The following ZNF385D variants were observed in gnomAD, a reference collection of about 807,000 sequenced individuals.
The protein encoded by ZNF385D is zinc finger protein 385D.
A neutral mutation model predicts 35.8 loss-of-function variants in ZNF385D; 15 were observed. The ratio of observed to expected loss-of-function variants is 0.42; its 90% CI spans 0.28 to 0.64. The LOEUF (loss-of-function observed/expected upper bound fraction) is 0.64, where lower values mean the gene tolerates loss of function less well. Ranked by LOEUF, ZNF385D falls within the 30% of genes least tolerant of loss-of-function variation. The pLI, the probability that ZNF385D is intolerant of heterozygous loss-of-function variation, is 0.23. For synonymous variants in ZNF385D, 212 were observed against 186.8 expected, an observed-to-expected ratio of 1.13 and a Z score of -1.10; for missense variants, 474 against 494.6, an observed-to-expected ratio of 0.96 and a Z score of 0.39.
At chr3:22,144,243 G>A (rs187460921) in intron 3 of ZNF385D, among the ~76,000 whole-genome samples, 3 of 152,176 alleles carry the variant, frequency 2.0e-5, no homozygotes, top group Non-Finnish European at 4.4e-5. Context: ...GACAAATATA[G>A]GTTTAAATTA....
intron 2 of ZNF385D, among the ~76,000 whole-genome samples, chr3:22,354,434 C>T (rs1174933055): frequency 6.6e-6 from 1 of 151,916 alleles, no homozygotes; most frequent in East Asian, 1.9e-4. Context: ...CAAACTCAAT[C>T]CAAGAGACAC....
intron 1 of ZNF385D, among the ~76,000 whole-genome samples, chr3:21,734,031 T>C (rs1404769353): frequency 6.6e-6 from 1 of 152,250 alleles, no homozygotes; most frequent in Non-Finnish European, 1.5e-5. Context: ...ACACTCTTTT[T>C]TCATAATTTC....
At chr3:22,265,107 C>G (rs1700831147) in intron 2 of ZNF385D, among the ~76,000 whole-genome samples, 1 of 151,836 alleles carries the variant, frequency 6.6e-6, no homozygotes, top group Admixed American at 6.6e-5. Flanking sequence ...GAGATCTGCC[C>G]CAGTACTCAA....
intron 3 of ZNF385D, among the ~76,000 whole-genome samples, chr3:21,823,282 T>C (rs1406707064): frequency 1.3e-5 from 2 of 152,204 alleles, no homozygotes; most frequent in African/African-American, 2.4e-5. Flanking sequence ...TCACATATCA[T>C]CTTGGACAAT....
intron 3 of ZNF385D, among the ~76,000 whole-genome samples, chr3:21,525,849 A>C (rs1238795995): frequency 6.6e-6 from 1 of 152,118 alleles, no homozygotes. Context: ...TTTATGACAA[A>C]TTGAGACATT....
At chr3:21,518,284 T>C (rs979758337) in intron 3 of ZNF385D, among the ~76,000 whole-genome samples, 7 of 152,136 alleles carry the variant, frequency 4.6e-5, no homozygotes, top group Admixed American at 3.3e-4. Context: ...GGAATTTCTA[T>C]CCAAGAAGGA....
chr3:21,803,434 A>G (rs113554008), intron 3 of ZNF385D, among the ~76,000 whole-genome samples: 1 of 152,204 alleles, frequency 6.6e-6, no homozygotes, highest in Non-Finnish European at 1.5e-5. Flanking sequence ...ATTGATATTT[A>G]AAATCAAAGT....
intron 3 of ZNF385D, among the ~76,000 whole-genome samples, chr3:21,819,168 C>T (rs1004239856): frequency 1.3e-5 from 2 of 151,134 alleles, no homozygotes; most frequent in South Asian, 2.1e-4. Context: ...GAAAAAGTAA[C>T]AAGAAAGAAG....
intron 4 of ZNF385D, among the ~76,000 whole-genome samples, chr3:21,509,573 C>CT (rs970606656): frequency 1.6e-4 from 25 of 151,788 alleles, no homozygotes; most frequent in Middle Eastern, 6.8e-3. Context: ...ACAAGCCTGT[C>CT]TTTTTTTTTC....
At chr3:22,040,970 C>T (rs2125503961) in intron 3 of ZNF385D, among the ~76,000 whole-genome samples, 1 of 151,988 alleles carries the variant, frequency 6.6e-6, no homozygotes, top group African/African-American at 2.4e-5. Flanking sequence ...GTGTACAATT[C>T]AGTGGTTCTT....
intron 2 of ZNF385D, among the ~76,000 whole-genome samples, chr3:22,366,438 G>A (rs750299758): frequency 2.0e-5 from 3 of 152,102 alleles, no homozygotes; most frequent in Non-Finnish European, 4.4e-5. Flanking sequence ...TTAGAGTGAA[G>A]AGAGCAGAAA....
At chr3:22,059,078 G>C (rs1699561127) in intron 3 of ZNF385D, among the ~76,000 whole-genome samples, 1 of 152,194 alleles carries the variant, frequency 6.6e-6, no homozygotes, top group Non-Finnish European at 1.5e-5. Flanking sequence ...CCAAGCAGCT[G>C]GGCAATCACT....
At position 21,598,912 on chromosome 3, in the gene ZNF385D, C is replaced by A. The variant is rs549806687; in HGVS notation, c.166-34228G>T. On this transcript the variant is annotated intron_variant, in intron 2 of 7. Coordinates refer to ENST00000281523, the MANE Select transcript of ZNF385D (RefSeq NM_024697.3). ...CAGAAAAATGTTACATTGGGATCAT[C>A]TCCATGCCTGAGCTGAATGGAACAA... 6.7e-4 allele frequency among the ~76,000 whole-genome samples: 102 copies of A among 152,296 alleles called. 1 individual carries two copies. The Middle Eastern group carries it at 0.02, about 30-fold the overall frequency.
chr3:21,454,226 G>A (rs1273037432), intron 4 of ZNF385D, among the ~76,000 whole-genome samples: 2 of 151,956 alleles, frequency 1.3e-5, no homozygotes, highest in Non-Finnish European at 2.9e-5. Flanking sequence ...AAGAGGTAAA[G>A]GTTTCTTTTC....
At chr3:21,604,195 A>C (rs1017492588) in intron 2 of ZNF385D, among the ~76,000 whole-genome samples, 4 of 152,180 alleles carry the variant, frequency 2.6e-5, no homozygotes, top group Non-Finnish European at 5.9e-5. Context: ...CAATAGAGGG[A>C]ATAAGATTGT....
At chr3:21,756,861 C>G (rs919950340) in intron 3 of ZNF385D, among the ~76,000 whole-genome samples, 10 of 152,082 alleles carry the variant, frequency 6.6e-5, no homozygotes, top group Non-Finnish European at 1.3e-4. Flanking sequence ...AAACAAATAC[C>G]TAATTCAATT....
chr3:21,745,280 G>GA (rs1222669264), intron 1 of ZNF385D, among the ~76,000 whole-genome samples: 2 of 152,040 alleles, frequency 1.3e-5, no homozygotes, highest in Admixed American at 6.5e-5. Flanking sequence ...GGCAAAAAAA[G>GA]AAAAAACTGA....
intron 3 of ZNF385D, among the ~76,000 whole-genome samples, chr3:21,897,745 C>A (rs1304848993): frequency 6.6e-6 from 1 of 152,046 alleles, no homozygotes; most frequent in East Asian, 1.9e-4. Context: ...TGTATGGGTG[C>A]ACAAACAGAA....
At chr3:21,725,734 C>G (rs1459455061) in intron 1 of ZNF385D, among the ~76,000 whole-genome samples, 1 of 152,136 alleles carries the variant, frequency 6.6e-6, no homozygotes, top group African/African-American at 2.4e-5. Flanking sequence ...AAATTGACAG[C>G]TGAATTCTAC....
Sources: gnomAD v4.1 joint callset for allele counts (sites outside exome capture counted in the v4.1 genomes callset) on GRCh38, gnomAD v4.1.1 for gene constraint, MANE v1.5 for transcripts, NCBI Gene and HGNC (gene_info 2026-07-23, HGNC 2026-07-21) for gene names.